ANKIB1: variants seen among roughly 807,000 people sequenced by gnomAD.
ANKIB1 encodes the protein ankyrin repeat and IBR domain containing 1.
ANKIB1 carries 43 observed loss-of-function variants against 122.1 expected under a neutral mutation model. The ratio of observed to expected loss-of-function variants is 0.35; its 90% CI spans 0.28 to 0.45. ANKIB1 has a LOEUF of 0.45. Among genes scored for constraint, ANKIB1 ranks in the 20% least tolerant of loss-of-function variants. ANKIB1 has a pLI of 1.00. For synonymous variants in ANKIB1, 390 were observed against 442.0 expected, an observed-to-expected ratio of 0.88 and a Z score of 1.48; for missense variants, 992 against 1,329.5, an observed-to-expected ratio of 0.75 and a Z score of 3.95.
chr7:92,295,506 A>C (rs1420678279), intron 2 of ANKIB1, among the ~76,000 whole-genome samples: 9 of 152,126 alleles, frequency 5.9e-5, no homozygotes, highest in Admixed American at 5.9e-4. Flanking sequence ...TGAATTCTTG[A>C]TAATAATGTA....
At chr7:92,378,095 C>T (rs2115663298) in intron 11 of ANKIB1, among the ~76,000 whole-genome samples, 1 of 152,252 alleles carries the variant, frequency 6.6e-6, no homozygotes, top group South Asian at 2.1e-4. Context: ...TAAAACTCTA[C>T]AGATATTAGC....
chr7:92,246,245 G>C lies in ANKIB1; in HGVS notation c.-365G>C. 1 of 382,376 alleles carries C rather than the reference G, an allele frequency of 2.6e-6. No individual in the cohort carries two copies. The highest frequency in any genetic ancestry group is 1.8e-5 in the South Asian group (1 of 55,048). The allele number at this position is 382,376 out of a possible 1,614,324, so 23.7% of individuals were successfully genotyped here. The stretch of plus-strand genomic sequence containing the variant: ...CCCGAGTGAGGCGGCGCAGCGGCCG[G>C]AGAGGGATGGGGGGCGCCCACCCAG... On this transcript the variant is annotated 5_prime_UTR_variant, in exon 1 of 20. Coordinates refer to ENST00000265742, the MANE Select transcript of ANKIB1 (RefSeq NM_019004.2).
chr7:92,261,928 T>G (rs1258859753), intron 1 of ANKIB1, among the ~76,000 whole-genome samples: 1 of 152,264 alleles, frequency 6.6e-6, no homozygotes, highest in Non-Finnish European at 1.5e-5. Flanking sequence ...TGCTGCCATT[T>G]CTTCAGGATG....
chr7:92,398,136 G>T (rs1338613104), intron 19 of ANKIB1, 76 bp from the exon 20 acceptor site: 1 of 1,421,280 alleles, frequency 7.0e-7, no homozygotes, highest in East Asian at 2.4e-5. Flanking sequence ...GGTAAAGGAA[G>T]AATGGTAAAC....
intron 2 of ANKIB1, among the ~76,000 whole-genome samples, chr7:92,305,682 T>C (rs180783669): frequency 1.6e-4 from 24 of 152,260 alleles, no homozygotes; most frequent in African/African-American, 5.5e-4. Flanking sequence ...GGAAACCAAA[T>C]TGAGCAAGTA....
Position 92,362,259 on chromosome 7 carries a change from T to C in ANKIB1, c.1472T>C (p.Met491Thr). ...AATTGGCTGCAAAAAATAACCGAAA[T>C]GAAACCAGAAGAACGTAAGAGGAAT... is the stretch of plus-strand genomic sequence containing the variant. ...WKNWLQKITE[M>T]KPEELVGVSE... is the part of the protein sequence containing the mutation. Residue 491 changes from methionine (M) to threonine (T), a missense_variant, in exon 10 of 20, where the codon ATG (methionine) becomes ACG (threonine). Met to Thr is a moderately conservative substitution (Grantham distance 81). Coordinates refer to ENST00000265742, the MANE Select transcript of ANKIB1 (RefSeq NM_019004.2). The C allele has an allele frequency of 6.3e-7, 1 of 1,590,558 alleles. No individual in the cohort carries two copies. Among genetic ancestry groups the C allele is most frequent in the Non-Finnish European group, 8.6e-7 (1 of 1,167,888 alleles).
intron 11 of ANKIB1, among the ~76,000 whole-genome samples, chr7:92,383,201 A>G (rs536457124): frequency 2.3e-4 from 35 of 152,344 alleles, no homozygotes; most frequent in African/African-American, 7.7e-4. Flanking sequence ...GAAGAAGTTG[A>G]ATCTCTGAAT....
chr7:92,312,112 G>A (rs1254052226), intron 3 of ANKIB1, among the ~76,000 whole-genome samples: 1 of 151,922 alleles, frequency 6.6e-6, no homozygotes, highest in Non-Finnish European at 1.5e-5. Context: ...ACTACCCATG[G>A]CAGAGTAGAC....
intron 10 of ANKIB1, among the ~76,000 whole-genome samples, chr7:92,370,569 A>G (rs990198320): frequency 1.3e-5 from 2 of 148,184 alleles, no homozygotes; most frequent in African/African-American, 2.5e-5. Flanking sequence ...ACATAGAGTT[A>G]GATAGAGGAC....
intron 1 of ANKIB1, among the ~76,000 whole-genome samples, chr7:92,276,620 G>A (rs1008702003): frequency 9.8e-5 from 15 of 152,372 alleles, no homozygotes; most frequent in African/African-American, 2.2e-4. Context: ...AATGTGGCCA[G>A]TTAAAACAAA....
intron 1 of ANKIB1, among the ~76,000 whole-genome samples, chr7:92,284,065 G>A (rs1015513517): frequency 3.3e-5 from 5 of 152,012 alleles, no homozygotes; most frequent in Non-Finnish European, 4.4e-5. Flanking sequence ...CACTGCACCC[G>A]GCCACTTTCC....
rs552455421 is a variant in ANKIB1, at chr7:92,341,095, G to A, written c.788-1929G>A. Among the ~76,000 whole-genome samples, 1,093 of 151,962 alleles carry A rather than the reference G, an allele frequency of 7.2e-3. 11 individuals carry two copies. The highest frequency in any genetic ancestry group is 0.025 in the African/African-American group (1,038 of 41,462). ...CGAGGTGGGCAGATCACTTGAGGTC[G>A]GGAGTTTGAGACCAGCCTGGGCAAC... On this transcript the variant is annotated intron_variant, in intron 5 of 19. Coordinates refer to ENST00000265742, the MANE Select transcript of ANKIB1 (RefSeq NM_019004.2).
intron 1 of ANKIB1, among the ~76,000 whole-genome samples, chr7:92,290,528 AGT>A (rs143899568): frequency 1.3e-5 from 2 of 149,848 alleles, no homozygotes; most frequent in African/African-American, 2.5e-5. Flanking sequence ...ATTGAGTATG[AGT>A]GTGTGTGTGT....
chr7:92,261,678 G>A (rs11768934), intron 1 of ANKIB1, among the ~76,000 whole-genome samples: 14,272 of 152,050 alleles, frequency 0.094, 891 homozygotes, highest in East Asian at 0.36. Flanking sequence ...GATTTTGAGG[G>A]TTTTGTTCAT....
At position 92,388,050 on chromosome 7, in the gene ANKIB1, T is replaced by C; in HGVS notation, c.1906+9T>C. On this transcript the variant is annotated intron_variant, in intron 14 of 19. Coordinates refer to ENST00000265742, the MANE Select transcript of ANKIB1 (RefSeq NM_019004.2). ...CAGAGCTCTCAAAGAAAGTAAGTTA[T>C]AAGTTGTATGTGTGATAATTAATAT... is the stretch of plus-strand genomic sequence containing the variant. 1 of 1,556,448 alleles carries C rather than the reference T, an allele frequency of 6.4e-7. No homozygotes were observed. Among genetic ancestry groups the C allele is most frequent in the South Asian group, 1.2e-5 (1 of 84,506 alleles).
chr7:92,379,791 C>T (rs994097810), intron 11 of ANKIB1, among the ~76,000 whole-genome samples: 13 of 152,010 alleles, frequency 8.6e-5, no homozygotes, highest in African/African-American at 3.1e-4. Flanking sequence ...CCAAGATGGC[C>T]AAATAGGAAC....
At chr7:92,288,478 A>C (rs370827648) in intron 1 of ANKIB1, among the ~76,000 whole-genome samples, 1 of 152,212 alleles carries the variant, frequency 6.6e-6, no homozygotes, top group Non-Finnish European at 1.5e-5. Flanking sequence ...AATAGAACAC[A>C]GTCAATTGGC....
intron 11 of ANKIB1, among the ~76,000 whole-genome samples, chr7:92,384,495 GC>G (rs1237516795): frequency 6.6e-6 from 1 of 152,126 alleles, no homozygotes; most frequent in African/African-American, 2.4e-5. Flanking sequence ...ATAGTACAAG[GC>G]TACAGTAACC....
At chr7:92,332,681 C>T (rs1008965529) in intron 5 of ANKIB1, among the ~76,000 whole-genome samples, 2 of 152,120 alleles carry the variant, frequency 1.3e-5, no homozygotes, top group Non-Finnish European at 1.5e-5. Flanking sequence ...TTTTTAACTC[C>T]TTTGGAGGTT....
Sources: gnomAD v4.1 joint callset for allele counts (sites outside exome capture counted in the v4.1 genomes callset) on GRCh38, gnomAD v4.1.1 for gene constraint, MANE v1.5 for transcripts, NCBI Gene and HGNC (gene_info 2026-07-23, HGNC 2026-07-21) for gene names.